Variants in PAX5 observed in about 807,000 individuals in gnomAD.
PAX5 encodes the protein paired box protein Pax-5.
PAX5 carries 9 observed loss-of-function variants against 43.7 expected under a neutral mutation model. The ratio of observed to expected loss-of-function variants is 0.21; its 90% confidence interval spans 0.12 to 0.36. The LOEUF is 0.36. Among genes scored for constraint, PAX5 ranks in the 10% least tolerant of loss-of-function variants. The pLI, the probability that PAX5 is intolerant of heterozygous loss-of-function variation, is 1.00. For missense variants in PAX5, 383 were observed against 532.7 expected (o/e 0.72, Z 2.77); for synonymous variants, 228 against 214.3 (o/e 1.06, Z -0.56).
chr9:36,927,070 A>G (rs59569120), intron 6 of PAX5, among the ~76,000 whole-genome samples: 8,913 of 152,264 alleles, frequency 0.059, 335 homozygotes, highest in Admixed American at 0.11. Context: ...TGCAATAGTT[A>G]GAGGGGGTGC....
At chr9:36,988,466 G>C (rs910134513) in intron 5 of PAX5, among the ~76,000 whole-genome samples, 1 of 152,096 alleles carries the variant, frequency 6.6e-6, no homozygotes, top group Non-Finnish European at 1.5e-5. Flanking sequence ...TTCAAGACCA[G>C]CCTAGGCAAC....
intron 6 of PAX5, among the ~76,000 whole-genome samples, chr9:36,955,780 A>T (rs555036040): frequency 0.024 from 1,982 of 82,798 alleles, 34 homozygotes; most frequent in African/African-American, 0.042. Context: ...CAAAAAAAAA[A>T]AAATATATAT....
In PAX5 at chr9:36,862,165, T is replaced by C. The variant is rs550895157; in HGVS notation, c.1013-15236A>G. 8.5e-5 allele frequency among the ~76,000 whole-genome samples: 13 copies of C among 152,162 alleles called. 1 individual carries two copies. The South Asian group carries it at 2.7e-3, about 32-fold the overall frequency. On this transcript the variant is annotated intron_variant, in intron 8 of 9. Coordinates refer to ENST00000358127, the MANE Select transcript of PAX5 (RefSeq NM_016734.3). ...GGGCCTCTCTACCTCTCGCTAAGCC[T>C]GTCACAAAAGCCATAAAAATGGGTC...
intron 1 of PAX5, among the ~76,000 whole-genome samples, chr9:37,028,653 C>T (rs975727405): frequency 6.6e-6 from 1 of 152,220 alleles, no homozygotes; most frequent in Non-Finnish European, 1.5e-5. Context: ...CTCAAGGCTT[C>T]TTGAGAACCG....
chr9:36,886,618 A>G (rs1826928328), intron 7 of PAX5, among the ~76,000 whole-genome samples: 1 of 152,196 alleles, frequency 6.6e-6, no homozygotes, highest in African/African-American at 2.4e-5. Context: ...CTGGACTGGG[A>G]TGGGAAACCA....
At chr9:36,872,985 C>T (rs529790333) in intron 8 of PAX5, among the ~76,000 whole-genome samples, 8 of 152,232 alleles carry the variant, frequency 5.3e-5, no homozygotes, top group African/African-American at 1.4e-4. Context: ...TCCCAGCTCC[C>T]TCCCTGATGC....
At chr9:36,934,763 A>G (rs13288123) in intron 6 of PAX5, among the ~76,000 whole-genome samples, 42,138 of 152,068 alleles carry the variant, frequency 0.28, 6,462 homozygotes, top group Non-Finnish European at 0.34. Flanking sequence ...TGCATTATAC[A>G]TTTAACTGTT....
chr9:36,867,546 C>A (rs1344722232), intron 8 of PAX5, among the ~76,000 whole-genome samples: 1 of 151,358 alleles, frequency 6.6e-6, no homozygotes, highest in African/African-American at 2.4e-5. Context: ...GGTGGGGGTT[C>A]GTCTTCTTAG....
intron 6 of PAX5, among the ~76,000 whole-genome samples, chr9:36,966,158 C>T (rs1243603118): frequency 1.3e-5 from 2 of 152,364 alleles, no homozygotes; most frequent in Admixed American, 6.5e-5. Flanking sequence ...CCGGTGAGCC[C>T]CCAGGCCGCG....
At chr9:37,005,438 G>C (rs544603724) in intron 4 of PAX5, among the ~76,000 whole-genome samples, 60 of 152,318 alleles carry the variant, frequency 3.9e-4, no homozygotes, top group Non-Finnish European at 7.2e-4. Flanking sequence ...TTTATCCAAA[G>C]AGCCAACCAT....
At chr9:37,014,228 T>C (rs1839202271) in intron 3 of PAX5, among the ~76,000 whole-genome samples, 1 of 152,198 alleles carries the variant, frequency 6.6e-6, no homozygotes, top group Non-Finnish European at 1.5e-5. Flanking sequence ...CTTCCATGTG[T>C]CTTGGATCAG....
chr9:36,884,530 T>C (rs768100272), intron 7 of PAX5, among the ~76,000 whole-genome samples: 31 of 152,230 alleles, frequency 2.0e-4, no homozygotes, highest in Non-Finnish European at 3.8e-4. Context: ...ACCTTAAAAA[T>C]ACTTAATTGG....
At position 36,953,765 on chromosome 9, in the gene PAX5, T is replaced by G. The variant is rs7859560; in HGVS notation, c.780+12784A>C. Among the ~76,000 whole-genome samples, 1,522 of 152,340 alleles carry G rather than the reference T, an allele frequency of 1.0e-2. 17 individuals carry two copies. The highest frequency in any genetic ancestry group is 0.035 in the African/African-American group (1,439 of 41,566). On this transcript the variant is annotated intron_variant, in intron 6 of 9. Coordinates refer to ENST00000358127, the MANE Select transcript of PAX5 (RefSeq NM_016734.3). ...CCATTACAGTCCTTAACATATTAAT[T>G]ATAGTCATTTTAAATTCCCTATCTT...
At chr9:36,948,843 A>G (rs970380905) in intron 6 of PAX5, among the ~76,000 whole-genome samples, 1 of 151,096 alleles carries the variant, frequency 6.6e-6, no homozygotes, top group African/African-American at 2.4e-5. Context: ...TTCCTGCCCA[A>G]CCCAGCCCTA....
intron 7 of PAX5, among the ~76,000 whole-genome samples, chr9:36,910,167 C>T (rs1829150389): frequency 1.3e-5 from 2 of 152,128 alleles, no homozygotes; most frequent in African/African-American, 4.8e-5. Flanking sequence ...ATGTAAACAC[C>T]GCTCAGTAAA....
At chr9:36,936,402 C>G in intron 6 of PAX5, among the ~76,000 whole-genome samples, 1 of 152,326 alleles carries the variant, frequency 6.6e-6, no homozygotes, top group East Asian at 1.9e-4. Flanking sequence ...GGACAAAGCT[C>G]CATCTCCAGG....
intron 5 of PAX5, among the ~76,000 whole-genome samples, chr9:36,987,212 G>C (rs1228800712): frequency 6.6e-6 from 1 of 152,140 alleles, no homozygotes; most frequent in African/African-American, 2.4e-5. Flanking sequence ...AACGGAAAAC[G>C]GCCCAGCCTA....
In PAX5 at chr9:37,033,307, A is replaced by G. The variant is rs529160321; in HGVS notation, c.46+679T>C. The stretch of plus-strand genomic sequence containing the variant: ...AACACCACGGATCTCCATAGGCCCC[A>G]GACCCACGTCTAGGAGTTTGCCTAG... On this transcript the variant is annotated intron_variant, in intron 1 of 9. Transcript: ENST00000358127. Among the ~76,000 whole-genome samples, 6 of 152,370 alleles carry G rather than the reference A, an allele frequency of 3.9e-5. No individual in the cohort carries two copies. The East Asian group carries it at 1.2e-3, about 29-fold the overall frequency.
At chr9:37,030,550 A>T (rs538710746) in intron 1 of PAX5, among the ~76,000 whole-genome samples, 1 of 152,344 alleles carries the variant, frequency 6.6e-6, no homozygotes, top group East Asian at 1.9e-4. Context: ...TCTTTCTCCC[A>T]GTAACAGGGC....
Sources: allele counts gnomAD v4.1 joint callset (sites outside exome capture counted in the v4.1 genomes callset), GRCh38; gene constraint gnomAD v4.1.1; transcripts MANE v1.5; gene names NCBI Gene and HGNC (gene_info 2026-07-23, HGNC 2026-07-21).